The following BICC1 variants were observed in gnomAD, a reference collection of about 807,000 sequenced individuals.
The protein encoded by BICC1 is protein bicaudal C homolog 1.
BICC1 carries 43 observed loss-of-function variants against 111.0 expected under a neutral mutation model. The observed-to-expected ratio is 0.39, with a 90% CI of 0.30 to 0.50. The LOEUF (loss-of-function observed/expected upper bound fraction) is 0.50, where lower values mean the gene tolerates loss of function less well. Among genes scored for constraint, BICC1 ranks in the 20% least tolerant of loss-of-function variants. The pLI, the probability that BICC1 is intolerant of heterozygous loss-of-function variation, is 0.88. For missense variants in BICC1, 1,091 were observed against 1,203.2 expected, an observed-to-expected ratio of 0.91 and a Z score of 1.38; for synonymous variants, 467 against 434.4, an observed-to-expected ratio of 1.07 and a Z score of -0.93.
At chr10:58,565,823 C>G (rs542353438) in intron 1 of BICC1, among the ~76,000 whole-genome samples, 1 of 151,806 alleles carries the variant, frequency 6.6e-6, no homozygotes, top group Non-Finnish European at 1.5e-5. Context: ...TTTAAAAATC[C>G]TTTATTTCCA....
chr10:58,575,118 C>T (rs1319635358), intron 1 of BICC1, among the ~76,000 whole-genome samples: 1 of 151,596 alleles, frequency 6.6e-6, no homozygotes, highest in Non-Finnish European at 1.5e-5. Context: ...CACCTATCAA[C>T]TCATCATCTA....
Position 58,796,433 on chromosome 10 carries a change from G to A in BICC1, c.1273G>A (p.Ala425Thr). 6.2e-7 allele frequency: 1 copy of A among 1,614,094 alleles called. No homozygotes were observed. Among genetic ancestry groups the A allele is most frequent in the Middle Eastern group, 1.7e-4 (1 of 6,060 alleles). Reference sequence around the variant, plus strand: ...ACTTGAAAGCAGTGGGGTTACCATAGCAACCAGTCCATCCCCAGCATCCTG... The same window carrying A: ...ACTTGAAAGCAGTGGGGTTACCATAACAACCAGTCCATCCCCAGCATCCTG... ...LGLESSGVTI[A>T]TSPSPASCPA... The change falls in exon 10 of 21, where the codon GCA (alanine) becomes ACA (threonine). Residue 425 changes from alanine to threonine, a missense_variant. Physicochemically the swap from Ala to Thr is moderately conservative, Grantham distance 58 (BLOSUM62 0). This residue lies in a region of BICC1 where 843 missense variants were observed against 900.8 expected (regional missense o/e 0.94). Transcript: ENST00000373886.
intron 1 of BICC1, among the ~76,000 whole-genome samples, chr10:58,572,537 C>T (rs1199137818): frequency 6.6e-6 from 1 of 151,990 alleles, no homozygotes; most frequent in Non-Finnish European, 1.5e-5. Flanking sequence ...ACATTATTTT[C>T]ATGGGGATTT....
chr10:58,597,370 C>T lies in BICC1; in HGVS notation c.191-23485C>T, dbSNP rs546669820. On this transcript the variant is annotated intron_variant, in intron 1 of 20. Coordinates refer to ENST00000373886, the MANE Select transcript of BICC1 (RefSeq NM_001080512.3). ...CTACTAGTAAGGGTCTAACACAGATCACATGCTTCTGAGGGAACAGGACAA... is the reference window on the plus strand; with the variant it reads ...CTACTAGTAAGGGTCTAACACAGATTACATGCTTCTGAGGGAACAGGACAA... Among the ~76,000 whole-genome samples the T allele has an allele frequency of 3.9e-5, 6 of 152,222 alleles. No homozygotes were observed. The South Asian group carries it at 1.0e-3, about 26-fold the overall frequency.
chr10:58,531,541 A>G (rs1165716643), intron 1 of BICC1, among the ~76,000 whole-genome samples: 1 of 151,874 alleles, frequency 6.6e-6, no homozygotes, highest in Non-Finnish European at 1.5e-5. Context: ...CAGGGAAAAT[A>G]TGGTCCAATC....
chr10:58,778,118 T>G (rs1369011482), intron 3 of BICC1, among the ~76,000 whole-genome samples: 2 of 151,838 alleles, frequency 1.3e-5, no homozygotes, highest in Non-Finnish European at 2.9e-5. Context: ...GAGGCTGAGG[T>G]GGGAGGATCG....
intron 3 of BICC1, among the ~76,000 whole-genome samples, chr10:58,716,653 ACT>A (rs1840750834): frequency 6.6e-6 from 1 of 152,060 alleles, no homozygotes; most frequent in South Asian, 2.1e-4. Context: ...TGACCAGATG[ACT>A]CTAGTTAAAA....
chr10:58,533,925 C>T (rs1842754081), intron 1 of BICC1, among the ~76,000 whole-genome samples: 1 of 151,726 alleles, frequency 6.6e-6, no homozygotes, highest in Non-Finnish European at 1.5e-5. Context: ...TCTTACCTAT[C>T]AGTAATTACT....
chr10:58,777,329 A>G (rs984801845), intron 3 of BICC1, among the ~76,000 whole-genome samples: 1 of 152,102 alleles, frequency 6.6e-6, no homozygotes, highest in Non-Finnish European at 1.5e-5. Flanking sequence ...TTGAAAAGTC[A>G]GTGGAGAATA....
chr10:58,806,724 AAG>A, intron 16 of BICC1, 101 bp downstream of exon 16: 1 of 1,096,784 alleles, frequency 9.1e-7, no homozygotes, highest in Non-Finnish European at 1.3e-6. Context: ...AACTCAGAAA[AAG>A]AAACCTAGAA....
intron 2 of BICC1, among the ~76,000 whole-genome samples, chr10:58,699,275 G>A (rs1840157712): frequency 6.6e-6 from 1 of 152,220 alleles, no homozygotes; most frequent in Non-Finnish European, 1.5e-5. Flanking sequence ...TAGGTTGAGA[G>A]TGGTCTTTGT....
At chr10:58,772,078 C>T (rs1842635057) in intron 3 of BICC1, among the ~76,000 whole-genome samples, 1 of 152,170 alleles carries the variant, frequency 6.6e-6, no homozygotes, top group African/African-American at 2.4e-5. Context: ...CTAGCAGTGT[C>T]TGGCCCACAG....
At chr10:58,633,977 CTT>C (rs3076172) in intron 2 of BICC1, among the ~76,000 whole-genome samples, 135,095 of 138,160 alleles carry the variant, frequency 0.98, 66,070 homozygotes, top group Non-Finnish European at 1. Flanking sequence ...TTTTCTTTTT[CTT>C]TTTTTTTTTT....
At chr10:58,573,748 G>C (rs1844031272) in intron 1 of BICC1, among the ~76,000 whole-genome samples, 1 of 152,138 alleles carries the variant, frequency 6.6e-6, no homozygotes, top group African/African-American at 2.4e-5. Flanking sequence ...CTGTGCATGA[G>C]ATGTTTATTT....
intron 2 of BICC1, among the ~76,000 whole-genome samples, chr10:58,625,561 G>A (rs7900394): frequency 0.96 from 146,018 of 152,258 alleles, 70,320 homozygotes; most frequent in East Asian, 1. Flanking sequence ...TATATTGGAT[G>A]TTTATTTGGA....
chr10:58,583,405 C>T (rs1033513805), intron 1 of BICC1, among the ~76,000 whole-genome samples: 5 of 147,142 alleles, frequency 3.4e-5, no homozygotes, highest in Non-Finnish European at 6.0e-5. Flanking sequence ...TCCATTATAA[C>T]ATTCTTGTGC....
chr10:58,789,417 C>T lies in BICC1; in HGVS notation c.756C>T (p.Val252=). The change falls in exon 7 of 21, where the codon GTC becomes GTT. Residue 252 remains valine, a synonymous_variant. Transcript: ENST00000373886. ...KQRSRMYGAT[V]IVRGSQNNTS... is the part of the protein sequence containing the mutation. ...GTTCCCGAATGTATGGTGCTACTGTCATAGTACGAGGGTCTCAGAATAACA... is the reference window on the plus strand; with the variant it reads ...GTTCCCGAATGTATGGTGCTACTGTTATAGTACGAGGGTCTCAGAATAACA... The T allele has an allele frequency of 6.2e-7, 1 of 1,613,994 alleles. No individual in the cohort carries two copies. Among genetic ancestry groups the T allele is most frequent in the Non-Finnish European group, 8.5e-7 (1 of 1,179,938 alleles).
At chr10:58,716,169 A>G (rs1015017521) in intron 3 of BICC1, 92 of 1,499,872 alleles carry the variant, frequency 6.1e-5, no homozygotes, top group Non-Finnish European at 8.0e-5. Context: ...AGGTGCGAGC[A>G]AAAAAGAAGA....
chr10:58,566,459 A>G (rs999772423), intron 1 of BICC1, among the ~76,000 whole-genome samples: 1 of 152,120 alleles, frequency 6.6e-6, no homozygotes, highest in African/African-American at 2.4e-5. Context: ...TGCTACTATA[A>G]ACATGCATGT....
Sources: gnomAD v4.1 joint callset for allele counts (sites outside exome capture counted in the v4.1 genomes callset) on GRCh38, gnomAD v4.1.1 for gene constraint, gnomAD v4.1.1 regional missense constraint, MANE v1.5 for transcripts, NCBI Gene and HGNC (gene_info 2026-07-23, HGNC 2026-07-21) for gene names.